Variants in ANKHD1 observed in about 807,000 individuals in gnomAD.
The protein encoded by ANKHD1 is ankyrin repeat and KH domain containing 1.
A neutral mutation model predicts 230.5 loss-of-function variants in ANKHD1; 31 were observed. That is an observed-to-expected ratio of 0.13 (90% confidence interval 0.10 to 0.18). The LOEUF (loss-of-function observed/expected upper bound fraction) is 0.18, where lower values mean the gene tolerates loss of function less well. Among genes scored for constraint, ANKHD1 ranks in the 10% least tolerant of loss-of-function variants. ANKHD1 has a pLI of 1.00. For missense variants in ANKHD1, 2,256 were observed against 3,071.3 expected (o/e 0.73, Z 6.27); for synonymous variants, 1,074 against 1,117.6 (o/e 0.96, Z 0.78).
At chr5:140,409,353 C>G (rs1770737723) in intron 1 of ANKHD1, among the ~76,000 whole-genome samples, 1 of 152,022 alleles carries the variant, frequency 6.6e-6, no homozygotes, top group Admixed American at 6.6e-5. Context: ...TCAAAAAGTT[C>G]AGTTGTCCAT....
intron 10 of ANKHD1, among the ~76,000 whole-genome samples, chr5:140,467,449 C>T (rs1173474481): frequency 6.6e-6 from 1 of 151,994 alleles, no homozygotes; most frequent in Non-Finnish European, 1.5e-5. Context: ...TGTGGAAATG[C>T]TGGGCTTGTA....
intron 26 of ANKHD1, among the ~76,000 whole-genome samples, 196 bp downstream of exon 26, chr5:140,526,639 G>A (rs1010818079): frequency 6.6e-6 from 1 of 152,148 alleles, no homozygotes; most frequent in African/African-American, 2.4e-5. Context: ...GAGATTATTA[G>A]AAATTTTTAT....
chr5:140,438,334 T>A, intron 2 of ANKHD1, 127 bp from the exon 3 acceptor site: 3 of 1,333,258 alleles, frequency 2.3e-6, no homozygotes, highest in Non-Finnish European at 3.0e-6. Flanking sequence ...TCTGTCAACC[T>A]AACCTATGGA....
chr5:140,411,763 A>G (rs577964011), intron 1 of ANKHD1, among the ~76,000 whole-genome samples: 122 of 151,616 alleles, frequency 8.0e-4, no homozygotes, highest in Non-Finnish European at 1.3e-3. Flanking sequence ...ACCTCAGACT[A>G]TCTGCCCACC....
Position 140,528,477 on chromosome 5 carries a change from C to T in ANKHD1, c.5531C>T (p.Pro1844Leu). The T allele has an allele frequency of 6.2e-7, 1 of 1,614,166 alleles. No homozygotes were observed. Among genetic ancestry groups the T allele is most frequent in the Non-Finnish European group, 8.5e-7 (1 of 1,180,044 alleles). Residue 1844 changes from proline to leucine, a missense_variant, in exon 29 of 34, where the codon CCA becomes CTA. This residue lies in a region of ANKHD1 where 778 missense variants were observed against 966.5 expected (regional missense o/e 0.80). Coordinates refer to ENST00000360839, the MANE Select transcript of ANKHD1 (RefSeq NM_017747.3). Reference sequence around the variant, plus strand: ...CCAACAAATGTACGTTCTTCTTTCCCAGTTTCTCTACCCTTAGCTTATCCT... The same window carrying T: ...CCAACAAATGTACGTTCTTCTTTCCTAGTTTCTCTACCCTTAGCTTATCCT... ...NVPTNVRSSF[P>L]VSLPLAYPHP...
chr5:140,506,363 G>A lies in ANKHD1; in HGVS notation c.3409-472G>A, dbSNP rs1478814809. Among the ~76,000 whole-genome samples, 1 of 151,992 alleles carries A rather than the reference G, an allele frequency of 6.6e-6. No individual in the cohort carries two copies. Among genetic ancestry groups the A allele is most frequent in the Non-Finnish European group, 1.5e-5 (1 of 68,004 alleles). ...GAGGGTGGAGATGAGGTCTCATTATGTTGCCCAAGCTGGCCTTGAACTCCT... is the reference window on the plus strand; with the variant it reads ...GAGGGTGGAGATGAGGTCTCATTATATTGCCCAAGCTGGCCTTGAACTCCT... On this transcript the variant is annotated intron_variant, in intron 18 of 33. Transcript: ENST00000360839. The surrounding 1 kb of genome is among the most constrained non-coding windows in gnomAD (Gnocchi z 4.7).
intron 1 of ANKHD1, among the ~76,000 whole-genome samples, chr5:140,434,341 C>G (rs1773280280): frequency 6.6e-6 from 1 of 151,150 alleles, no homozygotes; most frequent in South Asian, 2.1e-4. Flanking sequence ...CTTTCTGTTC[C>G]TGATGTTTTT....
At chr5:140,436,740 C>T (rs191929735) in intron 2 of ANKHD1, among the ~76,000 whole-genome samples, 1 of 146,844 alleles carries the variant, frequency 6.8e-6, no homozygotes, top group African/African-American at 2.5e-5. Flanking sequence ...AGCGAGACTC[C>T]GTCTGAAAAA....
chr5:140,474,635 C>T (rs1344866049), intron 10 of ANKHD1, among the ~76,000 whole-genome samples: 3 of 114,144 alleles, frequency 2.6e-5, no homozygotes, highest in African/African-American at 7.0e-5. Context: ...CTCACTTTGT[C>T]GCTCAGGCTA....
chr5:140,493,567 C>A (rs891927283), intron 14 of ANKHD1, among the ~76,000 whole-genome samples: 2 of 152,132 alleles, frequency 1.3e-5, no homozygotes, highest in Admixed American at 6.5e-5. Flanking sequence ...GTAGATGTTG[C>A]TTTAGTTTCT....
intron 5 of ANKHD1, among the ~76,000 whole-genome samples, chr5:140,444,243 C>G (rs1774101627): frequency 3.9e-5 from 6 of 152,106 alleles, no homozygotes; most frequent in Admixed American, 3.9e-4. Context: ...GATACCCCTC[C>G]TCGCTTCCAC....
chr5:140,473,275 G>T (rs766452736), intron 10 of ANKHD1, among the ~76,000 whole-genome samples: 1 of 151,716 alleles, frequency 6.6e-6, no homozygotes, highest in Non-Finnish European at 1.5e-5. Context: ...TGATCTACCC[G>T]CCTCGGCCTC....
rs749133811 is a variant in ANKHD1 at position 140,537,501 on chromosome 5, G to A, written c.7140G>A (p.Gly2380=). The A allele has an allele frequency of 6.2e-7, 1 of 1,614,116 alleles. No homozygotes were observed. Among genetic ancestry groups the A allele is most frequent in the South Asian group, 1.1e-5 (1 of 91,080 alleles). Residue 2380 remains glycine (G), a synonymous_variant, in exon 31 of 34, where the codon GGG becomes GGA. Transcript: ENST00000360839. ...TERLARIRQG[G]SVAQAPAGTS... Reference sequence around the variant, plus strand: ...GACTGGCCCGAATTCGGCAAGGAGGGTCTGTTGCACAAGCCCCGGCGGGGA... The same window carrying A: ...GACTGGCCCGAATTCGGCAAGGAGGATCTGTTGCACAAGCCCCGGCGGGGA...
rs189884112 is a variant in ANKHD1, at chr5:140,444,942, G to T, written c.914-800G>T. ...TATTGGGCTTTCCAGAAAGTCTTTTGTATTGGGCTGAAGTGATCCTCCCAC... is the reference window on the plus strand; with the variant it reads ...TATTGGGCTTTCCAGAAAGTCTTTTTTATTGGGCTGAAGTGATCCTCCCAC... On this transcript the variant is annotated intron_variant, in intron 5 of 33. Coordinates refer to ENST00000360839, the MANE Select transcript of ANKHD1 (RefSeq NM_017747.3). 1.1e-3 allele frequency among the ~76,000 whole-genome samples: 174 copies of T among 152,066 alleles called. 3 individuals are homozygous for T. The highest frequency in any genetic ancestry group is 1.4e-3 in the Non-Finnish European group (92 of 67,994).
At chr5:140,464,252 T>A (rs867210850) in intron 9 of ANKHD1, among the ~76,000 whole-genome samples, 2 of 151,446 alleles carry the variant, frequency 1.3e-5, no homozygotes, top group Non-Finnish European at 2.9e-5. Flanking sequence ...AAAAAACTTA[T>A]ATCTGTGTTT....
chr5:140,422,688 T>C (rs1772086656), intron 1 of ANKHD1, among the ~76,000 whole-genome samples: 1 of 150,738 alleles, frequency 6.6e-6, no homozygotes. Context: ...TACGCACCTG[T>C]AATCCCAGAT....
Position 140,401,959 on chromosome 5 carries a change from G to A in ANKHD1, c.-9G>A. On this transcript the variant is annotated 5_prime_UTR_variant, in exon 1 of 34. In the 5' UTR this introduces an upstream ATG that the reference lacks. Coordinates refer to ENST00000360839, the MANE Select transcript of ANKHD1 (RefSeq NM_017747.3). ...GGGTCGGCACCGTCTCCGGCTCCGG[G>A]TGCGAACAATGCTGACTGATAGCGG... 1 of 1,567,250 alleles carries A rather than the reference G, an allele frequency of 6.4e-7. No homozygotes were observed. Among genetic ancestry groups the A allele is most frequent in the Non-Finnish European group, 8.6e-7 (1 of 1,161,110 alleles).
At position 140,466,485 on chromosome 5, in the gene ANKHD1, C is replaced by T. The variant is rs144701570; in HGVS notation, c.1782+1709C>T. ...TATAACAAAACCATACTGATTGTGA[C>T]CAAGTTAATATCTGTTACATTTTTA... is the stretch of plus-strand genomic sequence containing the variant. On this transcript the variant is annotated intron_variant, in intron 10 of 33. Transcript: ENST00000360839. 1.7e-3 allele frequency among the ~76,000 whole-genome samples: 256 copies of T among 151,678 alleles called. 3 individuals are homozygous for T. The East Asian group carries it at 0.033, about 20-fold the overall frequency.
rs537116714 is a variant in ANKHD1 at position 140,439,103 on chromosome 5, C to G, written c.617+486C>G. On this transcript the variant is annotated intron_variant, in intron 3 of 33. Coordinates refer to ENST00000360839, the MANE Select transcript of ANKHD1 (RefSeq NM_017747.3). Reference sequence around the variant, plus strand: ...TCCATATCTACTGAATCAGAATCTGCATTTTAACAAGAAATACGAGTAACT... The same window carrying G: ...TCCATATCTACTGAATCAGAATCTGGATTTTAACAAGAAATACGAGTAACT... Among the ~76,000 whole-genome samples, 168 of 152,092 alleles carry G rather than the reference C, an allele frequency of 1.1e-3. 1 individual carries two copies. Among genetic ancestry groups the G allele is most frequent in the African/African-American group, 3.9e-3 (160 of 41,500 alleles).
Sources: allele counts gnomAD v4.1 joint callset (sites outside exome capture counted in the v4.1 genomes callset), GRCh38; gene constraint gnomAD v4.1.1; regional missense constraint gnomAD v4.1.1; non-coding constraint Gnocchi (gnomAD v3.1); transcripts MANE v1.5; gene names NCBI Gene and HGNC (gene_info 2026-07-23, HGNC 2026-07-21).